Variants in IL3RA observed in about 807,000 individuals in gnomAD.
IL3RA encodes interleukin-3 receptor subunit alpha.
IL3RA carries 73 observed loss-of-function variants against 52.3 expected under a neutral mutation model. The ratio of observed to expected loss-of-function variants is 1.40; its 90% confidence interval spans 1.16 to 1.70. The LOEUF is 1.70. Ranked by LOEUF, IL3RA falls within the 40% of genes most tolerant of loss-of-function variation. IL3RA has a pLI of 0.00. For synonymous variants in IL3RA, 260 were observed against 194.0 expected, an observed-to-expected ratio of 1.34 and a Z score of -2.83; for missense variants, 664 against 504.4, an observed-to-expected ratio of 1.32 and a Z score of -3.03.
Position 1,382,542 on chromosome X carries a change from G to C in IL3RA, c.*77G>C, listed in dbSNP as rs2089231036. The C allele has an allele frequency of 4.4e-6, 6 of 1,348,800 alleles. No individual in the cohort carries two copies. The highest frequency in any genetic ancestry group is 6.4e-6 in the Non-Finnish European group (6 of 938,642). 83.6% of individuals were successfully genotyped at this position (1,348,800 alleles called of 1,614,324 possible). A position where few individuals can be genotyped will look rare whatever the true frequency, so the allele number is the denominator to read the frequency against. The stretch of plus-strand genomic sequence containing the variant: ...AGGCGCCTGCACAGACTGGCTGCTG[G>C]ACCTGCGCACGCAGCCCAGGAATGG... On this transcript the variant is annotated 3_prime_UTR_variant, in exon 12 of 12. Coordinates refer to ENST00000331035, the MANE Select transcript of IL3RA (RefSeq NM_002183.4).
At chrX:1,381,175 G>A (rs749396855) in intron 11 of IL3RA, 71 bp downstream of exon 11, 342 of 1,364,830 alleles carry the variant, frequency 2.5e-4, no homozygotes, top group Middle Eastern at 1.6e-3. Context: ...CAGGCGGGCG[G>A]ACCACTTGAG....
At chrX:1,340,708 G>A (rs1383605172) in intron 1 of IL3RA, among the ~76,000 whole-genome samples, 2 of 152,090 alleles carry the variant, frequency 1.3e-5, no homozygotes, top group Admixed American at 1.3e-4. Flanking sequence ...AAACACAGCC[G>A]GGCACGGTGG....
chrX:1,356,643 G>T (rs551944612), intron 7 of IL3RA, among the ~76,000 whole-genome samples: 2 of 151,884 alleles, frequency 1.3e-5, no homozygotes, highest in Non-Finnish European at 2.9e-5. Context: ...GTGGTGGCAC[G>T]GTCTTGTAGT....
intron 4 of IL3RA, among the ~76,000 whole-genome samples, chrX:1,351,503 A>G (rs1411968462): frequency 1.5e-5 from 2 of 134,394 alleles, no homozygotes; most frequent in Non-Finnish European, 3.2e-5. Context: ...TAATTTTTGT[A>G]TTTTTAGTAG....
chrX:1,354,323 C>T (rs1169236925), intron 6 of IL3RA, among the ~76,000 whole-genome samples: 3 of 152,048 alleles, frequency 2.0e-5, no homozygotes, highest in African/African-American at 7.2e-5. Flanking sequence ...GTCCACGATA[C>T]CCGAGCTCCG....
intron 1 of IL3RA, among the ~76,000 whole-genome samples, chrX:1,337,914 CCA>C (rs1158423369): frequency 2.9e-5 from 4 of 136,888 alleles, no homozygotes; most frequent in Admixed American, 7.2e-5. Context: ...TGTGGTCCAG[CCA>C]CACAGTGGAA....
At chrX:1,353,708 C>G (rs1398503959) in intron 6 of IL3RA, among the ~76,000 whole-genome samples, 1 of 125,742 alleles carries the variant, frequency 8.0e-6, no homozygotes, top group Admixed American at 7.9e-5. Flanking sequence ...GGACCCCCCC[C>G]AATCATGGGT....
At chrX:1,347,589 AG>A (rs1345463207) in intron 3 of IL3RA, among the ~76,000 whole-genome samples, 1 of 151,764 alleles carries the variant, frequency 6.6e-6, no homozygotes, top group East Asian at 1.9e-4. Flanking sequence ...ACTGAAGTCT[AG>A]CCTGGGCAAG....
intron 3 of IL3RA, among the ~76,000 whole-genome samples, chrX:1,347,719 T>G (rs2085814418): frequency 6.6e-6 from 1 of 151,732 alleles, no homozygotes; most frequent in Non-Finnish European, 1.5e-5. Context: ...AGTGGGATTA[T>G]TTTTATTCAA....
At chrX:1,342,796 T>C (rs1354239980) in intron 2 of IL3RA, among the ~76,000 whole-genome samples, 4 of 146,294 alleles carry the variant, frequency 2.7e-5, no homozygotes, top group African/African-American at 9.9e-5. Context: ...CCTGACCTCA[T>C]GATCCGCCTG....
At chrX:1,337,219 G>GTGCTTTC (rs1235234904) in intron 1 of IL3RA, among the ~76,000 whole-genome samples, 1 of 152,200 alleles carries the variant, frequency 6.6e-6, no homozygotes, top group East Asian at 1.9e-4. Context: ...TAATTTGACA[G>GTGCTTTC]TGCTTTCTGC....
At position 1,358,855 on chromosome X, in the gene IL3RA, T is replaced by C. The variant is rs1392016361; in HGVS notation, c.733-6T>C. On this transcript the variant is annotated splice_polypyrimidine_tract_variant and splice_region_variant and intron_variant, in intron 7 of 11. Coordinates refer to ENST00000331035, the MANE Select transcript of IL3RA (RefSeq NM_002183.4). ...ACTCAAAAGTTTGCTTGCTTTTGTG[T>C]TGCAGAGAATGCAGCCTGTAATCAC... The C allele has an allele frequency of 3.1e-6, 5 of 1,613,328 alleles. No homozygotes were observed. In the Admixed American group the frequency reaches 6.7e-5, roughly 22 times the overall value.
rs777259323 is a variant in IL3RA, at chrX:1,348,341, G to A, written c.184-90G>A. On this transcript the variant is annotated intron_variant, in intron 3 of 11. Transcript: ENST00000331035. ...GCACTCCAGCGTGGGCGACGAGAGC[G>A]AAACTCTGCCTCAAAAAAAATCTGA... is the stretch of plus-strand genomic sequence containing the variant. The A allele has an allele frequency of 3.8e-4, 392 of 1,036,840 alleles. No individual in the cohort carries two copies. In the African/African-American group the frequency reaches 4.9e-3, roughly 13 times the overall value. The allele number at this position is 1,036,840 out of a possible 1,614,324, so 64.2% of individuals were successfully genotyped here.
chrX:1,344,657 T>G (rs6607443), intron 2 of IL3RA, among the ~76,000 whole-genome samples: 2 of 147,318 alleles, frequency 1.4e-5, no homozygotes, highest in Non-Finnish European at 3.0e-5. Flanking sequence ...CCTGTAATCC[T>G]AGCTACTCGG....
At chrX:1,377,123 C>T (rs1384640040) in intron 9 of IL3RA, among the ~76,000 whole-genome samples, 1 of 152,020 alleles carries the variant, frequency 6.6e-6, no homozygotes, top group Non-Finnish European at 1.5e-5. Flanking sequence ...ACGGGGTCTC[C>T]AAGCCCAGGA....
intron 8 of IL3RA, among the ~76,000 whole-genome samples, chrX:1,363,651 T>C (rs1375043019): frequency 6.6e-6 from 1 of 151,846 alleles, no homozygotes. Context: ...CATATGAATT[T>C]TGGGGGATCA....
intron 6 of IL3RA, among the ~76,000 whole-genome samples, chrX:1,354,136 G>GC (rs1186514026): frequency 3.4e-5 from 5 of 149,188 alleles, no homozygotes; most frequent in Non-Finnish European, 6.0e-5. Context: ...GGTCATGGGA[G>GC]CCCCCATCAT....
chrX:1,352,560 T>C, intron 6 of IL3RA, 54 bp downstream of exon 6: 3 of 1,566,848 alleles, frequency 1.9e-6, no homozygotes, highest in Non-Finnish European at 2.6e-6. Context: ...ACCACGGCTT[T>C]AGCGCCAGGC....
chrX:1,353,464 T>A (rs1374453579), intron 6 of IL3RA, among the ~76,000 whole-genome samples: 3 of 89,520 alleles, frequency 3.4e-5, no homozygotes, highest in African/African-American at 4.7e-5. Context: ...GTCATAGAAT[T>A]CCCCATCATG....
Sources: allele counts gnomAD v4.1 joint callset (sites outside exome capture counted in the v4.1 genomes callset), GRCh38; gene constraint gnomAD v4.1.1; transcripts MANE v1.5; gene names NCBI Gene and HGNC (gene_info 2026-07-23, HGNC 2026-07-21).